Variants in ZNF138 observed in about 807,000 individuals in gnomAD.
ZNF138 encodes the protein zinc finger protein 138.
A neutral mutation model predicts 33.0 loss-of-function variants in ZNF138; 33 were observed. The ratio of observed to expected loss-of-function variants is 1.00; its 90% CI spans 0.76 to 1.34. ZNF138 has a LOEUF of 1.34. Ranked by LOEUF, ZNF138 falls within the 40% of genes most tolerant of loss-of-function variation. The probability of loss-of-function intolerance (pLI) is 0.00; values close to 1 mark genes in which losing one functional copy is unlikely to be tolerated. For missense variants in ZNF138, 360 were observed against 370.8 expected, an observed-to-expected ratio of 0.97 and a Z score of 0.24; for synonymous variants, 139 against 120.4, an observed-to-expected ratio of 1.15 and a Z score of -1.01.
the ZNF138 span, among the ~76,000 whole-genome samples, chr7:64,849,527 C>A: frequency 6.6e-6 from 1 of 151,416 alleles, no homozygotes. Flanking sequence ...TATTTGTTTT[C>A]AGCTACCAGG....
chr7:64,805,611 G>C (rs1787532333), intron 1 of ZNF138, among the ~76,000 whole-genome samples: 1 of 152,198 alleles, frequency 6.6e-6, no homozygotes, highest in South Asian at 2.1e-4. Flanking sequence ...TGTCTCAAGG[G>C]AAGATGGTAA....
At chr7:64,798,486 C>T (rs1038646891) in intron 1 of ZNF138, among the ~76,000 whole-genome samples, 1 of 152,172 alleles carries the variant, frequency 6.6e-6, no homozygotes, top group Non-Finnish European at 1.5e-5. Context: ...TATTCCAGTA[C>T]CATTTTATTA....
At chr7:64,798,762 G>A (rs1447157099) in intron 1 of ZNF138, among the ~76,000 whole-genome samples, 2 of 141,592 alleles carry the variant, frequency 1.4e-5, no homozygotes, top group African/African-American at 5.2e-5. Flanking sequence ...TGGGCAACAA[G>A]AGTGAAACTC....
In ZNF138 at chr7:64,831,799, A is replaced by G; in HGVS notation, c.557A>G (p.Lys186Arg). Residue 186 changes from lysine to arginine, a missense_variant, in exon 4 of 4, where the codon AAA becomes AGA. Transcript: ENST00000307355. Reference sequence around the variant, plus strand: ...ATGCTTTCACGCCTAACTCAACATAAAAAAATTCATACTAGAGAGAATTTC... The same window carrying G: ...ATGCTTTCACGCCTAACTCAACATAGAAAAATTCATACTAGAGAGAATTTC... ...LCMLSRLTQH[K>R]KIHTRENFYK... 6.2e-7 allele frequency: 1 copy of G among 1,613,470 alleles called. No individual in the cohort carries two copies. The highest frequency in any genetic ancestry group is 1.1e-5 in the South Asian group (1 of 90,824).
chr7:64,807,903 T>G (rs1360535360), intron 1 of ZNF138, among the ~76,000 whole-genome samples: 1 of 152,242 alleles, frequency 6.6e-6, no homozygotes, highest in African/African-American at 2.4e-5. Flanking sequence ...TGACCACAAC[T>G]GTACCTACCC....
chr7:64,811,057 C>A (rs1462467606), intron 1 of ZNF138, among the ~76,000 whole-genome samples: 1 of 152,160 alleles, frequency 6.6e-6, no homozygotes, highest in East Asian at 1.9e-4. Context: ...AAAAATTTCT[C>A]TAAGCTGCAT....
the ZNF138 span, among the ~76,000 whole-genome samples, chr7:64,844,692 G>GTTTTGTT: frequency 6.7e-6 from 1 of 149,424 alleles, no homozygotes; most frequent in Non-Finnish European, 1.5e-5. Context: ...GTTTTGTTTT[G>GTTTTGTT]TTTTGTTTTT....
chr7:64,843,187 G>A, the ZNF138 span, among the ~76,000 whole-genome samples: 1 of 152,206 alleles, frequency 6.6e-6, no homozygotes, highest in Admixed American at 6.5e-5. Context: ...TCCATTGTGT[G>A]TATATACCAC....
chr7:64,831,118 A>C (rs1264985796), intron 3 of ZNF138: 1 of 1,550,932 alleles, frequency 6.4e-7, no homozygotes, highest in African/African-American at 1.4e-5. Context: ...AAAGAAACCA[A>C]GAGTTGGCAG....
intron 3 of ZNF138, among the ~76,000 whole-genome samples, chr7:64,818,808 A>G (rs1400890988): frequency 6.6e-6 from 1 of 151,960 alleles, no homozygotes; most frequent in Non-Finnish European, 1.5e-5. Flanking sequence ...ATTCATGGTT[A>G]TGCTGCATTT....
chr7:64,798,051 A>G (rs1465665151), intron 1 of ZNF138, among the ~76,000 whole-genome samples: 1 of 152,126 alleles, frequency 6.6e-6, no homozygotes, highest in Non-Finnish European at 1.5e-5. Context: ...AGTGACTGTC[A>G]TGCCACAGCC....
At chr7:64,797,352 T>C (rs1786770916) in intron 1 of ZNF138, among the ~76,000 whole-genome samples, 1 of 152,240 alleles carries the variant, frequency 6.6e-6, no homozygotes, top group African/African-American at 2.4e-5. Context: ...ATTTGAGATA[T>C]GTGACGTAAG....
chr7:64,817,996 A>T (rs200456945), intron 3 of ZNF138, among the ~76,000 whole-genome samples: 3,028 of 87,092 alleles, frequency 0.035, 62 homozygotes, highest in Non-Finnish European at 0.05. Context: ...TATTATTATT[A>T]TTTTTTTTTT....
Position 64,832,549 on chromosome 7 carries a change from C to A in ZNF138, c.*347C>A. 3 of 590,320 alleles carry A rather than the reference C, an allele frequency of 5.1e-6. No homozygotes were observed. Among genetic ancestry groups the A allele is most frequent in the Non-Finnish European group, 8.5e-6 (3 of 354,588 alleles). 36.6% of individuals were successfully genotyped at this position (590,320 alleles called of 1,614,324 possible). On this transcript the variant is annotated 3_prime_UTR_variant, in exon 4 of 4. Transcript: ENST00000307355. ...TTTAACTGGTCCTCAACTCTTATTA[C>A]ACATAAGATAATTCACAGTGGAGAA...
chr7:64,820,296 C>G (rs925525902), intron 3 of ZNF138, among the ~76,000 whole-genome samples: 1 of 151,470 alleles, frequency 6.6e-6, no homozygotes, highest in Non-Finnish European at 1.5e-5. Flanking sequence ...CATCCAGTCT[C>G]CATCATTTTG....
chr7:64,854,322 C>T, the ZNF138 span, among the ~76,000 whole-genome samples: 1 of 152,192 alleles, frequency 6.6e-6, no homozygotes, highest in African/African-American at 2.4e-5. Context: ...CTCACTGCAA[C>T]CTCCATCTCC....
intron 3 of ZNF138, among the ~76,000 whole-genome samples, chr7:64,822,734 TG>T (rs1452001955): frequency 2.6e-5 from 4 of 152,226 alleles, no homozygotes; most frequent in African/African-American, 7.2e-5. Flanking sequence ...TTCTTTTTAA[TG>T]GATGTTTTGC....
At chr7:64,835,143 G>A (rs1026810009), downstream of ZNF138, 1 of 147,344 alleles carries the variant, frequency 6.8e-6, no homozygotes, top group Non-Finnish European at 1.5e-5. Context: ...GCGTTAGTCG[G>A]GGTGACGGGA....
chr7:64,821,514 A>G lies in ZNF138; in HGVS notation c.208+5861A>G, dbSNP rs534797897. On this transcript the variant is annotated intron_variant, in intron 3 of 3. Transcript: ENST00000307355. Reference sequence around the variant, plus strand: ...GAAAATTTACTTCAATTATTTGTTCATTTCTAAATCAAGTTATTCAACTTT... The same window carrying G: ...GAAAATTTACTTCAATTATTTGTTCGTTTCTAAATCAAGTTATTCAACTTT... 2.4e-4 allele frequency among the ~76,000 whole-genome samples: 36 copies of G among 151,206 alleles called. No individual in the cohort carries two copies. In the East Asian group the frequency reaches 6.3e-3, roughly 26 times the overall value.
Sources: allele counts gnomAD v4.1 joint callset (sites outside exome capture counted in the v4.1 genomes callset), GRCh38; gene constraint gnomAD v4.1.1; transcripts MANE v1.5; gene names NCBI Gene and HGNC (gene_info 2026-07-23, HGNC 2026-07-21).